Variants in STAB2 observed in about 807,000 individuals in gnomAD.
STAB2 encodes stabilin-2.
Under a neutral mutation model 338.1 loss-of-function variants are expected in STAB2, and 288 were observed. The ratio of observed to expected loss-of-function variants is 0.85; its 90% confidence interval spans 0.77 to 0.94. STAB2 has a LOEUF of 0.94. STAB2 is among the 40% of genes least tolerant of loss of function. The pLI, the probability that STAB2 is intolerant of heterozygous loss-of-function variation, is 0.00. For missense variants in STAB2, 3,141 were observed against 3,210.1 expected (o/e 0.98, Z 0.52); for synonymous variants, 1,202 against 1,193.3 (o/e 1.01, Z -0.15).
rs781551820 is a variant in STAB2, at chr12:103,640,149, C to G, written c.933C>G (p.Tyr311Ter). 10 of 1,613,472 alleles carry G rather than the reference C, an allele frequency of 6.2e-6. No homozygotes were observed. Among genetic ancestry groups the G allele is most frequent in the Non-Finnish European group, 7.6e-6 (9 of 1,179,590 alleles). Reference protein sequence around the residue: ...GQSHCECKEHYQNFVPGVGCS... With the variant: ...GQSHCECKEH ...CTCACTGCGAGTGTAAGGAGCATTA[C>G]CAGAATTTCGTACCTGGAGTGGGGT... is the stretch of plus-strand genomic sequence containing the variant. Residue 311 changes from tyrosine to a stop codon, truncating the protein, a stop_gained, in exon 9 of 69, where the codon TAC (tyrosine) becomes TAG (stop). Transcript: ENST00000388887. LOFTEE classifies it high-confidence loss of function.
At chr12:103,660,814 G>T in intron 17 of STAB2, 51 bp downstream of exon 17, 1 of 1,566,544 alleles carries the variant, frequency 6.4e-7, no homozygotes, top group South Asian at 1.1e-5. Flanking sequence ...ATCTTTGCTC[G>T]ATAATGATTA....
At position 103,706,959 on chromosome 12, in the gene STAB2, G is replaced by C. The variant is rs746261735; in HGVS notation, c.4164G>C (p.Glu1388Asp). 2 of 1,614,194 alleles carry C rather than the reference G, an allele frequency of 1.2e-6. No homozygotes were observed. Among genetic ancestry groups the C allele is most frequent in the Non-Finnish European group, 1.7e-6 (2 of 1,180,032 alleles). ...FSGTACETCT[E>D]GKYGIHCDQA... is the part of the protein sequence containing the mutation. ...GCACAGCCTGCGAGACCTGCACCGA[G>C]GGCAAGTACGGCATCCACTGTGACC... The change falls in exon 38 of 69, where the codon GAG (glutamate) becomes GAC (aspartate). Residue 1388 changes from glutamate to aspartate, a missense_variant. Physicochemically the swap from Glu to Asp is conservative, Grantham distance 45 (BLOSUM62 2). Coordinates refer to ENST00000388887, the MANE Select transcript of STAB2 (RefSeq NM_017564.10).
intron 35 of STAB2, among the ~76,000 whole-genome samples, chr12:103,703,828 G>C (rs561592555): frequency 1.3e-5 from 2 of 152,220 alleles, no homozygotes; most frequent in East Asian, 3.9e-4. Flanking sequence ...GTTATATGCC[G>C]GGCACTGCTC....
chr12:103,648,951 A>T (rs1873535637), intron 10 of STAB2, 128 bp downstream of exon 10: 2 of 1,327,930 alleles, frequency 1.5e-6, no homozygotes, highest in Non-Finnish European at 2.1e-6. Context: ...TGGAGGGGTC[A>T]TGCAGGTGAG....
At chr12:103,745,670 G>A (rs781562669) in intron 57 of STAB2, among the ~76,000 whole-genome samples, 10 of 152,098 alleles carry the variant, frequency 6.6e-5, no homozygotes, top group Non-Finnish European at 1.3e-4. Context: ...CCCTGGTTCT[G>A]CTACTTACTA....
At chr12:103,675,638 A>C (rs1250603765) in intron 23 of STAB2, among the ~76,000 whole-genome samples, 1 of 152,248 alleles carries the variant, frequency 6.6e-6, no homozygotes, top group Admixed American at 6.5e-5. Context: ...CTTCAGCCTT[A>C]TATGGGAGGT....
At chr12:103,662,685 G>A (rs1375782529) in intron 17 of STAB2, among the ~76,000 whole-genome samples, 161 bp from the exon 18 acceptor site, 1 of 152,216 alleles carries the variant, frequency 6.6e-6, no homozygotes, top group Non-Finnish European at 1.5e-5. Context: ...ATCTTTCCCT[G>A]TCAGCCAAAC....
intron 56 of STAB2, 131 bp downstream of exon 56, chr12:103,742,685 T>C (rs1004191024): frequency 1.4e-6 from 2 of 1,411,044 alleles, no homozygotes; most frequent in African/African-American, 1.4e-5. Context: ...CCAATCTGCC[T>C]GCCCTATGTG....
intron 19 of STAB2, 160 bp from the exon 20 acceptor site, chr12:103,668,483 A>G (rs1438875395): frequency 1.3e-5 from 8 of 632,846 alleles, no homozygotes; most frequent in Middle Eastern, 3.7e-4. Flanking sequence ...AGGGTGTCCA[A>G]GCTCTGATGT....
intron 38 of STAB2, among the ~76,000 whole-genome samples, chr12:103,707,592 CA>C: frequency 6.6e-6 from 1 of 152,312 alleles, no homozygotes; most frequent in Middle Eastern, 3.4e-3. Flanking sequence ...TTTGCAAAAA[CA>C]ATGATCTGTT....
At chr12:103,750,861 C>A in intron 60 of STAB2, 141 bp downstream of exon 60, 1 of 1,173,502 alleles carries the variant, frequency 8.5e-7, no homozygotes, top group East Asian at 2.6e-5. Flanking sequence ...GAGGCCAAGG[C>A]AGATGGATCA....
At chr12:103,710,830 A>T (rs1879788291) in intron 39 of STAB2, among the ~76,000 whole-genome samples, 1 of 152,202 alleles carries the variant, frequency 6.6e-6, no homozygotes, top group Admixed American at 6.5e-5. Context: ...TAACATGAGC[A>T]TCCTATCCAA....
chr12:103,656,528 A>C (rs144583570), intron 15 of STAB2, among the ~76,000 whole-genome samples: 4 of 152,192 alleles, frequency 2.6e-5, no homozygotes, highest in Non-Finnish European at 4.4e-5. Flanking sequence ...GTAACCACCA[A>C]CTTTCTAATT....
chr12:103,614,790 C>G (rs1957183784), intron 3 of STAB2, among the ~76,000 whole-genome samples: 1 of 152,196 alleles, frequency 6.6e-6, no homozygotes, highest in Admixed American at 6.5e-5. Flanking sequence ...CCTTCACTTC[C>G]TCTCTGTTTA....
At chr12:103,691,381 T>G (rs1877924686) in intron 30 of STAB2, among the ~76,000 whole-genome samples, 1 of 152,244 alleles carries the variant, frequency 6.6e-6, no homozygotes. Context: ...TACATATATG[T>G]GACTCATCAG....
At chr12:103,611,352 G>A (rs558061630) in intron 3 of STAB2, among the ~76,000 whole-genome samples, 1 of 152,082 alleles carries the variant, frequency 6.6e-6, no homozygotes, top group East Asian at 1.9e-4. Context: ...TAAGGACTTG[G>A]TTTATGAATC....
intron 23 of STAB2, 145 bp from the exon 24 acceptor site, chr12:103,675,783 C>A: frequency 1.7e-6 from 1 of 589,846 alleles, no homozygotes; most frequent in Non-Finnish European, 3.0e-6. Context: ...CAGAAGTACC[C>A]CGACCACATT....
intron 25 of STAB2, among the ~76,000 whole-genome samples, chr12:103,678,589 C>T (rs924492925): frequency 6.6e-6 from 1 of 152,164 alleles, no homozygotes; most frequent in Non-Finnish European, 1.5e-5. Context: ...TGCAGTGGCA[C>T]GATCTCGGCT....
chr12:103,763,398 A>G, intron 67 of STAB2, 94 bp from the exon 68 acceptor site: 1 of 976,854 alleles, frequency 1.0e-6, no homozygotes. Flanking sequence ...AAAAGCTCCC[A>G]GAGGCAAAGG....
Sources: gnomAD v4.1 joint callset for allele counts (sites outside exome capture counted in the v4.1 genomes callset) on GRCh38, gnomAD v4.1.1 for gene constraint, MANE v1.5 for transcripts, NCBI Gene and HGNC (gene_info 2026-07-23, HGNC 2026-07-21) for gene names.